Variants in GMDS observed in about 807,000 individuals in gnomAD.
The protein encoded by GMDS is GDP-mannose 4,6-dehydratase.
In GMDS, 20 loss-of-function variants were observed where a neutral mutation model predicts 49.9. The observed-to-expected ratio is 0.40, with a 90% confidence interval of 0.28 to 0.58. GMDS has a LOEUF of 0.58. Ranked by LOEUF, GMDS falls within the 20% of genes least tolerant of loss-of-function variation. The pLI is 0.42. For synonymous variants in GMDS, 177 were observed against 178.6 expected, an observed-to-expected ratio of 0.99 and a Z score of 0.07; for missense variants, 362 against 481.4, an observed-to-expected ratio of 0.75 and a Z score of 2.32.
chr6:1,751,836 A>G (rs186425522), intron 7 of GMDS, among the ~76,000 whole-genome samples: 2 of 152,330 alleles, frequency 1.3e-5, no homozygotes, highest in East Asian at 3.9e-4. Flanking sequence ...AAATAGCATC[A>G]ACATCAACAA....
At chr6:2,040,106 A>G (rs933900441) in intron 4 of GMDS, among the ~76,000 whole-genome samples, 1 of 152,226 alleles carries the variant, frequency 6.6e-6, no homozygotes, top group African/African-American at 2.4e-5. Flanking sequence ...AAATGCGGTT[A>G]TGCAGCACAT....
intron 7 of GMDS, among the ~76,000 whole-genome samples, chr6:1,929,328 G>A (rs932723221): frequency 2.0e-5 from 3 of 152,222 alleles, no homozygotes; most frequent in African/African-American, 7.2e-5. Flanking sequence ...TCCAGGGAAA[G>A]GACAATGTCT....
chr6:1,803,824 T>C (rs1187903272), intron 7 of GMDS, among the ~76,000 whole-genome samples: 2 of 151,872 alleles, frequency 1.3e-5, no homozygotes, highest in African/African-American at 4.8e-5. Context: ...TGGGAGAGAG[T>C]GGAGGAGAGG....
chr6:2,211,717 T>C (rs574085751), intron 1 of GMDS, among the ~76,000 whole-genome samples: 21 of 152,326 alleles, frequency 1.4e-4, no homozygotes, highest in Non-Finnish European at 2.2e-4. Flanking sequence ...TTCATGTTAG[T>C]AGTTTTTAAA....
intron 9 of GMDS, among the ~76,000 whole-genome samples, chr6:1,652,240 C>T (rs1763673975): frequency 6.9e-6 from 1 of 145,132 alleles, no homozygotes; most frequent in South Asian, 2.2e-4. Context: ...GCTGTGGTGG[C>T]AGGCACCTGT....
At chr6:1,910,962 T>C (rs185929082) in intron 7 of GMDS, among the ~76,000 whole-genome samples, 18 of 152,280 alleles carry the variant, frequency 1.2e-4, no homozygotes, top group African/African-American at 3.8e-4. Flanking sequence ...AATTAATGAA[T>C]TAAATGTACC....
At chr6:1,726,596 C>G in intron 8 of GMDS, 84 bp from the exon 9 acceptor site, 1 of 956,634 alleles carries the variant, frequency 1.0e-6, no homozygotes, top group Admixed American at 1.7e-5. Flanking sequence ...TGCCCCAGCC[C>G]TCTCCCCGCA....
At chr6:1,968,888 A>G (rs932759742) in intron 4 of GMDS, among the ~76,000 whole-genome samples, 1 of 152,098 alleles carries the variant, frequency 6.6e-6, no homozygotes, top group African/African-American at 2.4e-5. Flanking sequence ...TTCACCATTA[A>G]ATCCCCAAGA....
intron 4 of GMDS, among the ~76,000 whole-genome samples, chr6:2,000,163 G>C (rs1164052909): frequency 7.1e-6 from 1 of 141,210 alleles, no homozygotes; most frequent in Non-Finnish European, 1.5e-5. Context: ...GCCTCCCCAA[G>C]TAGCTGGGAC....
chr6:2,140,623 T>A (rs1268831698), intron 1 of GMDS, among the ~76,000 whole-genome samples: 2 of 152,210 alleles, frequency 1.3e-5, no homozygotes, highest in Non-Finnish European at 2.9e-5. Flanking sequence ...GAGCTGGTGG[T>A]GAAAGCATGC....
At chr6:1,781,663 C>A (rs1233582539) in intron 7 of GMDS, among the ~76,000 whole-genome samples, 1 of 152,208 alleles carries the variant, frequency 6.6e-6, no homozygotes. Context: ...GAATTGTCAG[C>A]CGGGAGAATA....
chr6:2,146,991 G>T (rs1432138415), intron 1 of GMDS, among the ~76,000 whole-genome samples: 4 of 152,080 alleles, frequency 2.6e-5, no homozygotes, highest in Admixed American at 2.6e-4. Context: ...GCATCCCAAG[G>T]GTATGAAGAC....
intron 4 of GMDS, among the ~76,000 whole-genome samples, chr6:2,049,678 A>T (rs1770259575): frequency 6.6e-6 from 1 of 152,214 alleles, no homozygotes; most frequent in African/African-American, 2.4e-5. Context: ...TAGTAGGGCC[A>T]GAGTCAGGGA....
intron 4 of GMDS, among the ~76,000 whole-genome samples, chr6:1,995,249 G>C (rs1399826450): frequency 6.6e-6 from 1 of 152,098 alleles, no homozygotes; most frequent in Non-Finnish European, 1.5e-5. Context: ...TACAAGGGAG[G>C]ACCACAGTGA....
chr6:1,913,296 G>C (rs1249106898), intron 7 of GMDS, among the ~76,000 whole-genome samples: 1 of 150,862 alleles, frequency 6.6e-6, no homozygotes, highest in African/African-American at 2.4e-5. Flanking sequence ...CAGGAGAATG[G>C]CGTGAACCCG....
At chr6:1,634,476 A>T (rs566591095) in intron 9 of GMDS, among the ~76,000 whole-genome samples, 1 of 152,028 alleles carries the variant, frequency 6.6e-6, no homozygotes, top group Non-Finnish European at 1.5e-5. Flanking sequence ...TTTTGAAAAC[A>T]TTTTTACCAT....
At chr6:1,694,586 C>G (rs1765275546) in intron 9 of GMDS, among the ~76,000 whole-genome samples, 1 of 152,020 alleles carries the variant, frequency 6.6e-6, no homozygotes, top group Non-Finnish European at 1.5e-5. Flanking sequence ...GCATGTCAAG[C>G]CCATGTGTGT....
intron 7 of GMDS, among the ~76,000 whole-genome samples, chr6:1,747,594 A>C (rs1767559693): frequency 6.6e-6 from 1 of 152,186 alleles, no homozygotes; most frequent in Admixed American, 6.5e-5. Context: ...ATGGAAATTA[A>C]AGTTCCAGAG....
chr6:1,802,628 G>A (rs1381989162), intron 7 of GMDS, among the ~76,000 whole-genome samples: 1 of 152,228 alleles, frequency 6.6e-6, no homozygotes, highest in African/African-American at 2.4e-5. Flanking sequence ...TGTTCGGCAG[G>A]AGGTAGGCCT....
Sources: allele counts gnomAD v4.1 joint callset (sites outside exome capture counted in the v4.1 genomes callset), GRCh38; gene constraint gnomAD v4.1.1; transcripts MANE v1.5; gene names NCBI Gene and HGNC (gene_info 2026-07-23, HGNC 2026-07-21).